The following HELQ variants were observed in gnomAD, a reference collection of about 807,000 sequenced individuals.
HELQ encodes helicase POLQ-like.
A neutral mutation model predicts 111.6 loss-of-function variants in HELQ; 77 were observed. The observed-to-expected ratio is 0.69, with a 90% CI of 0.57 to 0.83. HELQ has a LOEUF of 0.83. Among genes scored for constraint, HELQ ranks in the 40% least tolerant of loss-of-function variants. The pLI, the probability that HELQ is intolerant of heterozygous loss-of-function variation, is 0.00. For synonymous variants in HELQ, 438 were observed against 454.7 expected (o/e 0.96, Z 0.47); for missense variants, 1,200 against 1,288.5 (o/e 0.93, Z 1.05).
At chr4:83,419,403 TC>T (rs1739541208) in intron 15 of HELQ, among the ~76,000 whole-genome samples, 2 of 150,406 alleles carry the variant, frequency 1.3e-5, no homozygotes, top group South Asian at 4.2e-4. Context: ...CACAGCAAGA[TC>T]CCTGCCTCTA....
chr4:83,423,513 C>CT (rs1306507854), intron 14 of HELQ, among the ~76,000 whole-genome samples: 2 of 152,124 alleles, frequency 1.3e-5, no homozygotes, highest in African/African-American at 2.4e-5. Flanking sequence ...TCAGTACTAA[C>CT]TATAAATTGA....
intron 1 of HELQ, among the ~76,000 whole-genome samples, chr4:83,455,042 C>G (rs1721674907): frequency 6.6e-6 from 1 of 152,180 alleles, no homozygotes; most frequent in Non-Finnish European, 1.5e-5. Context: ...ACTATCTCAA[C>G]TTTTCAGGGC....
intron 13 of HELQ, among the ~76,000 whole-genome samples, chr4:83,426,789 C>G (rs1473542911): frequency 6.6e-6 from 1 of 152,152 alleles, no homozygotes; most frequent in Non-Finnish European, 1.5e-5. Context: ...TGGTCTCAAA[C>G]TCCAGACCTC....
rs1268685705 is a variant in HELQ at position 83,450,799 on chromosome 4, C to G, written c.1013-1838G>C. ...TAGGCAACAAAATGAGACCCTATCTCTACAAAATATAAAAAAATTAGCTGG... is the reference window on the plus strand; with the variant it reads ...TAGGCAACAAAATGAGACCCTATCTGTACAAAATATAAAAAAATTAGCTGG... On this transcript the variant is annotated intron_variant, in intron 2 of 17. Coordinates refer to ENST00000295488, the MANE Select transcript of HELQ (RefSeq NM_133636.5). Among the ~76,000 whole-genome samples the G allele has an allele frequency of 3.3e-5, 5 of 152,212 alleles. No homozygotes were observed. The South Asian group carries it at 8.3e-4, about 25-fold the overall frequency.
chr4:83,432,382 A>G, intron 9 of HELQ, 115 bp from the exon 10 acceptor site: 1 of 630,600 alleles, frequency 1.6e-6, no homozygotes, highest in Non-Finnish European at 2.3e-6. Flanking sequence ...ACAAAATAAT[A>G]GGTAACTAGT....
chr4:83,410,830 C>G (rs1034717297), intron 17 of HELQ, among the ~76,000 whole-genome samples: 2 of 151,878 alleles, frequency 1.3e-5, no homozygotes, highest in Admixed American at 1.3e-4. Context: ...AATCCTCCCC[C>G]TCAGATCCTA....
At chr4:83,422,767 T>C (rs549264946) in intron 14 of HELQ, among the ~76,000 whole-genome samples, 2 of 152,280 alleles carry the variant, frequency 1.3e-5, no homozygotes, top group South Asian at 4.1e-4. Context: ...AGAAAATGAA[T>C]ACAGGAAAGG....
At chr4:83,437,246 T>G in intron 8 of HELQ, 149 bp from the exon 9 acceptor site, 1 of 766,950 alleles carries the variant, frequency 1.3e-6, no homozygotes, top group Non-Finnish European at 2.1e-6. Context: ...AGAATTTTGA[T>G]TCTGACTTCA....
intron 6 of HELQ, among the ~76,000 whole-genome samples, chr4:83,442,739 CA>C (rs1341770868): frequency 2.0e-4 from 30 of 151,788 alleles, no homozygotes; most frequent in Non-Finnish European, 2.1e-4. Context: ...TTTGTAGAGA[CA>C]GGGGTCTCGC....
rs564531300 is a variant in HELQ at position 83,434,703 on chromosome 4, A to G, written c.2048+2155T>C. On this transcript the variant is annotated intron_variant, in intron 9 of 17. Transcript: ENST00000295488. ...GGTCTCAAACTCCTGGGCTCAAGCA[A>G]TCCTCCTACCTTTGCCTCCCAAAGT... is the stretch of plus-strand genomic sequence containing the variant. 8.5e-5 allele frequency among the ~76,000 whole-genome samples: 13 copies of G among 152,208 alleles called. No individual in the cohort carries two copies. In the East Asian group the frequency reaches 1.4e-3, roughly 16 times the overall value.
intron 9 of HELQ, among the ~76,000 whole-genome samples, chr4:83,435,818 AT>A (rs1720424449): frequency 6.6e-6 from 1 of 152,142 alleles, no homozygotes; most frequent in African/African-American, 2.4e-5. Context: ...GTAATAAAAA[AT>A]GTTTGGTTAC....
chr4:83,407,400 T>C lies in HELQ; in HGVS notation c.*53A>G. On this transcript the variant is annotated 3_prime_UTR_variant, in exon 18 of 18. Coordinates refer to ENST00000295488, the MANE Select transcript of HELQ (RefSeq NM_133636.5). ...TTTATAAAGTATAAGTTATCTTTAA[T>C]AACACACATGTACAATAAATAATTC... The C allele has an allele frequency of 9.0e-7, 1 of 1,110,480 alleles. No homozygotes were observed. Among genetic ancestry groups the C allele is most frequent in the Non-Finnish European group, 1.3e-6 (1 of 764,204 alleles). 68.8% of individuals were successfully genotyped at this position (1,110,480 alleles called of 1,614,324 possible).
At chr4:83,417,107 A>G (rs1367130122) in intron 16 of HELQ, among the ~76,000 whole-genome samples, 1 of 152,206 alleles carries the variant, frequency 6.6e-6, no homozygotes, top group Non-Finnish European at 1.5e-5. Flanking sequence ...GCTGCAATCA[A>G]GAAAAGAAAC....
At chr4:83,429,794 A>G in intron 11 of HELQ, 48 bp from the exon 12 acceptor site, 1 of 1,088,980 alleles carries the variant, frequency 9.2e-7, no homozygotes, top group Non-Finnish European at 1.4e-6. Context: ...AATTCAAGGC[A>G]TCACCTTGAA....
At chr4:83,429,055 A>C in intron 12 of HELQ, among the ~76,000 whole-genome samples, 1 of 148,616 alleles carries the variant, frequency 6.7e-6, no homozygotes, top group South Asian at 2.1e-4. Context: ...ACATTTTTCA[A>C]CTTTTGAAAG....
At chr4:83,455,036 T>A (rs1721674131) in intron 1 of HELQ, among the ~76,000 whole-genome samples, 1 of 152,170 alleles carries the variant, frequency 6.6e-6, no homozygotes, top group Non-Finnish European at 1.5e-5. Flanking sequence ...AACTGTACTA[T>A]CTCAACTTTT....
At chr4:83,428,286 T>C (rs772164257) in intron 12 of HELQ, among the ~76,000 whole-genome samples, 1 of 151,820 alleles carries the variant, frequency 6.6e-6, no homozygotes, top group African/African-American at 2.4e-5. Context: ...TATGGCACTT[T>C]CCTTAACATA....
rs1461704358 is a variant in HELQ, at chr4:83,421,667, T to C, written c.2845A>G (p.Asn949Asp). Residue 949 changes from asparagine (N) to aspartate (D), a missense_variant, in exon 15 of 18, where the codon AAC becomes GAC. Asn to Asp is a conservative substitution (Grantham distance 23). Coordinates refer to ENST00000295488, the MANE Select transcript of HELQ (RefSeq NM_133636.5). ...FVLYTLLKET[N>D]IWTVSEKFNM... ...AATTTTTCAGATACAGTCCAAATGT[T>C]GGTCTCTTTGAGCAAGGTATAAAGA... 2 of 1,613,446 alleles carry C rather than the reference T, an allele frequency of 1.2e-6. No individual in the cohort carries two copies. Among genetic ancestry groups the C allele is most frequent in the Non-Finnish European group, 1.7e-6 (2 of 1,179,598 alleles).
chr4:83,415,804 G>A (rs765484639), intron 17 of HELQ, among the ~76,000 whole-genome samples: 7 of 151,676 alleles, frequency 4.6e-5, no homozygotes, highest in Non-Finnish European at 1.5e-5. Context: ...GGGCCACCAC[G>A]CCTGGCTAAT....
Sources: allele counts gnomAD v4.1 joint callset (sites outside exome capture counted in the v4.1 genomes callset), GRCh38; gene constraint gnomAD v4.1.1; transcripts MANE v1.5; gene names NCBI Gene and HGNC (gene_info 2026-07-23, HGNC 2026-07-21).